RGS20: variants seen among roughly 807,000 people sequenced by gnomAD.
RGS20 encodes regulator of G protein signaling 20, also known as gz-selective GTPase-activating protein.
Under a neutral mutation model 33.6 loss-of-function variants are expected in RGS20, and 30 were observed. The observed-to-expected ratio is 0.89, with a 90% CI of 0.67 to 1.21. The LOEUF (loss-of-function observed/expected upper bound fraction) is 1.21, where lower values mean the gene tolerates loss of function less well. RGS20 is among the 50% of genes most tolerant of loss of function. RGS20 has a pLI of 0.00. For synonymous variants in RGS20, 208 were observed against 197.9 expected (o/e 1.05, Z -0.43); for missense variants, 472 against 502.4 (o/e 0.94, Z 0.58).
chr8:53,872,293 G>A (rs1812092790), intron 1 of RGS20, among the ~76,000 whole-genome samples: 1 of 152,034 alleles, frequency 6.6e-6, no homozygotes, highest in South Asian at 2.1e-4. Context: ...CCAATACTCA[G>A]CAGCCAAAGC....
chr8:53,882,852 A>G (rs1812433904), intron 2 of RGS20, among the ~76,000 whole-genome samples: 2 of 152,056 alleles, frequency 1.3e-5, no homozygotes, highest in South Asian at 2.1e-4. Flanking sequence ...GGGCTTCTGC[A>G]TCAGTCTCCA....
chr8:53,858,228 G>A (rs1050765926), intron 1 of RGS20, among the ~76,000 whole-genome samples: 4 of 152,044 alleles, frequency 2.6e-5, no homozygotes, highest in Admixed American at 6.6e-5. Flanking sequence ...GGTGGCTCAC[G>A]TCTGTAGTCC....
At position 53,872,283 on chromosome 8, in the gene RGS20, C is replaced by A. The variant is rs1812091911; in HGVS notation, c.166-6975C>A. ...ACCCTTGCCCCCTCCCCAATTCACT[C>A]CAATACTCAGCAGCCAAAGCAGTCT... On this transcript the variant is annotated intron_variant, in intron 1 of 5. Coordinates refer to ENST00000297313, the MANE Select transcript of RGS20 (RefSeq NM_170587.4). Among the ~76,000 whole-genome samples the A allele has an allele frequency of 1.3e-5, 2 of 152,176 alleles. 1 individual carries two copies. Among genetic ancestry groups the A allele is most frequent in the South Asian group, 4.1e-4 (2 of 4,822 alleles).
chr8:53,932,883 C>T (rs778927493), intron 2 of RGS20, among the ~76,000 whole-genome samples: 42 of 152,176 alleles, frequency 2.8e-4, no homozygotes, highest in Non-Finnish European at 5.6e-4. Flanking sequence ...CTCCAACTGG[C>T]CTCTGGTGGG....
chr8:53,940,508 A>G (rs549575210), intron 3 of RGS20, among the ~76,000 whole-genome samples: 2 of 152,340 alleles, frequency 1.3e-5, no homozygotes, highest in East Asian at 3.9e-4. Flanking sequence ...CTGCTGGAAG[A>G]GAAGAAAAAC....
At chr8:53,879,158 C>G (rs971576300) in intron 1 of RGS20, 2 of 968,456 alleles carry the variant, frequency 2.1e-6, no homozygotes, top group Admixed American at 2.0e-5. Flanking sequence ...TCTTGCACCC[C>G]CAAAGTAACG....
intron 2 of RGS20, among the ~76,000 whole-genome samples, chr8:53,898,445 T>C (rs549766630): frequency 1.3e-4 from 20 of 152,190 alleles, no homozygotes; most frequent in Non-Finnish European, 2.6e-4. Context: ...TAATGCTCCA[T>C]TGCCTTCACC....
At chr8:53,882,212 G>A (rs1350278811) in intron 2 of RGS20, among the ~76,000 whole-genome samples, 3 of 152,200 alleles carry the variant, frequency 2.0e-5, no homozygotes, top group East Asian at 3.9e-4. Context: ...GGAAGAGAGA[G>A]AGTGGGCGCC....
intron 2 of RGS20, 36 bp from the exon 1 acceptor site, chr8:53,880,836 G>A (rs1812343987): frequency 2.9e-6 from 4 of 1,374,856 alleles, no homozygotes; most frequent in African/African-American, 1.5e-5. Context: ...GGGATTGCCC[G>A]GCCGGGTAAA....
intron 2 of RGS20, among the ~76,000 whole-genome samples, chr8:53,915,860 A>T (rs1299320886): frequency 6.6e-6 from 1 of 152,192 alleles, no homozygotes; most frequent in Non-Finnish European, 1.5e-5. Context: ...AGGTGTGGTT[A>T]TAGGCATGAA....
chr8:53,957,809 G>C (rs1814913690), intron 5 of RGS20, among the ~76,000 whole-genome samples: 1 of 152,142 alleles, frequency 6.6e-6, no homozygotes, highest in Non-Finnish European at 1.5e-5. Flanking sequence ...TTTCTCTTTG[G>C]CAGTTTGGAT....
chr8:53,882,005 T>TG (rs1370245745), intron 2 of RGS20, among the ~76,000 whole-genome samples: 1 of 148,824 alleles, frequency 6.7e-6, no homozygotes, highest in Non-Finnish European at 1.5e-5. Context: ...CCTCCAGCGC[T>TG]GGGGGAGCGG....
intron 4 of RGS20, among the ~76,000 whole-genome samples, chr8:53,950,560 A>G (rs1333091444): frequency 6.6e-6 from 1 of 152,098 alleles, no homozygotes; most frequent in East Asian, 1.9e-4. Context: ...TGTTCAACCT[A>G]TATAAAAATA....
At chr8:53,866,516 A>T (rs886647284) in intron 1 of RGS20, among the ~76,000 whole-genome samples, 7 of 151,966 alleles carry the variant, frequency 4.6e-5, no homozygotes, top group Non-Finnish European at 8.8e-5. Context: ...AGCTGGGATT[A>T]CAGGAGGCAC....
At chr8:53,939,814 C>A in intron 3 of RGS20, 90 bp downstream of exon 2, 1 of 1,411,822 alleles carries the variant, frequency 7.1e-7, no homozygotes, top group Non-Finnish European at 9.5e-7. Flanking sequence ...AAAGTGGTGG[C>A]AGCTTATGGT....
At chr8:53,953,692 T>A (rs1304466643) in intron 4 of RGS20, among the ~76,000 whole-genome samples, 1 of 152,228 alleles carries the variant, frequency 6.6e-6, no homozygotes, top group African/African-American at 2.4e-5. Context: ...CAAATCTGAC[T>A]TAGTTCTGTC....
chr8:53,939,699 T>C lies in RGS20; in HGVS notation c.634T>C (p.Trp212Arg). The stretch of plus-strand genomic sequence containing the variant: ...CGGGTCCAACGCATGCTGCTTCTGC[T>C]GGTGCTGCTGTTGTAGCTGCTCGTG... The change falls in exon 3 of 6, where the codon TGG becomes CGG. Residue 212 changes from tryptophan to arginine, a missense_variant. Physicochemically the swap from Trp to Arg is moderately radical, Grantham distance 101. Transcript: ENST00000297313. 1 of 1,563,518 alleles carries C rather than the reference T, an allele frequency of 6.4e-7. No homozygotes were observed. Among genetic ancestry groups the C allele is most frequent in the Non-Finnish European group, 8.7e-7 (1 of 1,153,444 alleles).
At chr8:53,940,844 G>A (rs778304051) in intron 3 of RGS20, among the ~76,000 whole-genome samples, 2 of 152,200 alleles carry the variant, frequency 1.3e-5, no homozygotes, top group Non-Finnish European at 2.9e-5. Flanking sequence ...GAGGAGAGGC[G>A]CTGGTGGTGG....
chr8:53,919,102 A>G (rs1027881330), intron 2 of RGS20, among the ~76,000 whole-genome samples: 1 of 152,270 alleles, frequency 6.6e-6, no homozygotes, highest in African/African-American at 2.4e-5. Flanking sequence ...CCATCCTAGT[A>G]GGAATAAAAT....
Sources: gnomAD v4.1 joint callset for allele counts (sites outside exome capture counted in the v4.1 genomes callset) on GRCh38, gnomAD v4.1.1 for gene constraint, MANE v1.5 for transcripts, NCBI Gene and HGNC (gene_info 2026-07-23, HGNC 2026-07-21) for gene names.